Variants in STEAP3 observed in about 807,000 individuals in gnomAD.
STEAP3 encodes metalloreductase STEAP3.
Under a neutral mutation model 34.9 loss-of-function variants are expected in STEAP3, and 35 were observed. That is an observed-to-expected ratio of 1.00 (90% CI 0.76 to 1.33). The LOEUF (loss-of-function observed/expected upper bound fraction) is 1.33, where lower values mean the gene tolerates loss of function less well. Ranked by LOEUF, STEAP3 falls within the 40% of genes most tolerant of loss-of-function variation. The probability of loss-of-function intolerance (pLI) is 0.00; values close to 1 mark genes in which losing one functional copy is unlikely to be tolerated. For missense variants in STEAP3, 652 were observed against 667.6 expected (o/e 0.98, Z 0.26); for synonymous variants, 281 against 301.6 (o/e 0.93, Z 0.71).
chr2:119,247,767 C>T lies in STEAP3; in HGVS notation c.611C>T (p.Ser204Phe), dbSNP rs1439761109. The change falls in exon 4 of 6, where the codon TCC becomes TTC. Residue 204 changes from serine to phenylalanine, a missense_variant. Coordinates refer to ENST00000393110, the MANE Select transcript of STEAP3 (RefSeq NM_182915.3). ...AMGFMPVDMG[S>F]LASAWEVEAM... is the part of the protein sequence containing the mutation. ...GGCTTCATGCCCGTGGACATGGGAT[C>T]CCTGGCGTCAGCCTGGGAGGTGGAG... is the stretch of plus-strand genomic sequence containing the variant. 1 of 1,606,158 alleles carries T rather than the reference C, an allele frequency of 6.2e-7. No individual in the cohort carries two copies. The highest frequency in any genetic ancestry group is 1.1e-5 in the South Asian group (1 of 90,848).
chr2:119,262,960 C>T (rs1015272512), intron 5 of STEAP3, 97 bp from the exon 6 acceptor site: 2 of 1,532,280 alleles, frequency 1.3e-6, no homozygotes. Context: ...TAAAGCCACC[C>T]TCCTTCCCCT....
At position 119,248,038 on chromosome 2, in the gene STEAP3, C is replaced by T. The variant is rs150323456; in HGVS notation, c.882C>T (p.Arg294=). 2.9e-5 allele frequency: 46 copies of T among 1,609,198 alleles called. No individual in the cohort carries two copies. Among genetic ancestry groups the T allele is most frequent in the Middle Eastern group, 1.6e-4 (1 of 6,082 alleles). The part of the protein sequence containing the change: ...GVLAAALQLR[R]GTKYQRFPDW... ...TGGCGGCTGCCCTGCAGCTGCGGCG[C>T]GGCACCAAGTACCAGCGCTTCCCCG... The change falls in exon 4 of 6, where the codon CGC becomes CGT. Residue 294 remains arginine, a synonymous_variant. Transcript: ENST00000393110.
intron 5 of STEAP3, among the ~76,000 whole-genome samples, chr2:119,258,774 A>ATTTTTTTT (rs57860527): frequency 5.0e-5 from 6 of 121,048 alleles, no homozygotes; most frequent in South Asian, 2.8e-4. Context: ...CACCTGGCTA[A>ATTTTTTTT]TTTTTTTTTT....
intron 2 of STEAP3, among the ~76,000 whole-genome samples, chr2:119,237,810 T>G (rs1273384622): frequency 6.6e-6 from 1 of 152,154 alleles, no homozygotes; most frequent in East Asian, 1.9e-4. Flanking sequence ...AGTTGCATGG[T>G]GTACCCGTGA....
At chr2:119,226,544 T>A (rs1679045454) in intron 1 of STEAP3, among the ~76,000 whole-genome samples, 1 of 152,124 alleles carries the variant, frequency 6.6e-6, no homozygotes, top group African/African-American at 2.4e-5. Context: ...TTTGAGAGGC[T>A]GTGGAGATTA....
chr2:119,251,377 C>A (rs1573570092), intron 4 of STEAP3, among the ~76,000 whole-genome samples: 2 of 152,184 alleles, frequency 1.3e-5, no homozygotes, highest in African/African-American at 4.8e-5. Context: ...GTAGAGAAAA[C>A]CTTTGAGACC....
chr2:119,241,748 G>A (rs1011047684), intron 2 of STEAP3, among the ~76,000 whole-genome samples: 4 of 152,216 alleles, frequency 2.6e-5, no homozygotes, highest in African/African-American at 9.6e-5. Context: ...TGCCAAGTCA[G>A]GTTCTGAGCA....
At chr2:119,256,880 T>C (rs577733316) in intron 5 of STEAP3, among the ~76,000 whole-genome samples, 2 of 152,290 alleles carry the variant, frequency 1.3e-5, no homozygotes, top group South Asian at 2.1e-4. Flanking sequence ...AGTTAATGCC[T>C]TACAGGGATT....
At chr2:119,246,068 T>C in intron 3 of STEAP3, 80 bp downstream of exon 3, 2 of 1,500,490 alleles carry the variant, frequency 1.3e-6, no homozygotes, top group Non-Finnish European at 1.8e-6. Flanking sequence ...AGCATGCTCT[T>C]TTTGATATGT....
In STEAP3 at chr2:119,257,498, C is replaced by G. The variant is rs974041280; in HGVS notation, c.1215+2650C>G. 28 of 1,543,240 alleles carry G rather than the reference C, an allele frequency of 1.8e-5. No individual in the cohort carries two copies. The African/African-American group carries it at 3.6e-4, about 20-fold the overall frequency. On this transcript the variant is annotated intron_variant, in intron 5 of 5. Transcript: ENST00000393110. ...GTGCAGGAAACACAGGCAGTGGAAC[C>G]CGAAGACCTGAATCTCAGTCCCAAG...
chr2:119,241,827 G>A (rs1045072883), intron 2 of STEAP3, among the ~76,000 whole-genome samples: 1 of 152,214 alleles, frequency 6.6e-6, no homozygotes, highest in African/African-American at 2.4e-5. Context: ...AACAAAAATA[G>A]GACTCAAAAT....
chr2:119,262,202 T>C (rs1460593410), intron 5 of STEAP3, among the ~76,000 whole-genome samples: 1 of 152,208 alleles, frequency 6.6e-6, no homozygotes, highest in Non-Finnish European at 1.5e-5. Context: ...TTCAAGCTAA[T>C]TTAAAATCAA....
chr2:119,256,442 T>C (rs893625617), intron 5 of STEAP3, among the ~76,000 whole-genome samples: 3 of 152,284 alleles, frequency 2.0e-5, no homozygotes, highest in East Asian at 1.9e-4. Context: ...GCATGGTTTA[T>C]CCACAATTAA....
chr2:119,250,378 G>A (rs936462933), intron 4 of STEAP3, among the ~76,000 whole-genome samples: 4 of 152,226 alleles, frequency 2.6e-5, no homozygotes, highest in Non-Finnish European at 4.4e-5. Flanking sequence ...TTGACCTTGA[G>A]CAAGTCACAG....
intron 4 of STEAP3, among the ~76,000 whole-genome samples, chr2:119,252,771 A>G (rs2104835387): frequency 6.6e-6 from 1 of 152,222 alleles, no homozygotes; most frequent in South Asian, 2.1e-4. Flanking sequence ...TTCTGTCCTC[A>G]TGCGGGTCTT....
At chr2:119,240,090 CAG>C (rs1409745200) in intron 2 of STEAP3, among the ~76,000 whole-genome samples, 2 of 152,164 alleles carry the variant, frequency 1.3e-5, no homozygotes, top group African/African-American at 4.8e-5. Context: ...CCCAGCTACT[CAG>C]ACTCAGAAGT....
At chr2:119,260,305 CTTT>C (rs111601276) in intron 5 of STEAP3, among the ~76,000 whole-genome samples, 2 of 130,484 alleles carry the variant, frequency 1.5e-5, no homozygotes, top group Admixed American at 7.7e-5. Flanking sequence ...AAGACTTACT[CTTT>C]TTTTTTTTTT....
chr2:119,233,760 C>T (rs1484394425), intron 2 of STEAP3, among the ~76,000 whole-genome samples: 1 of 152,194 alleles, frequency 6.6e-6, no homozygotes, highest in African/African-American at 2.4e-5. Flanking sequence ...GCGTGAAGTC[C>T]TCCCTGTCCT....
intron 2 of STEAP3, among the ~76,000 whole-genome samples, chr2:119,234,479 C>T (rs1222605062): frequency 5.3e-5 from 8 of 152,246 alleles, no homozygotes; most frequent in Non-Finnish European, 8.8e-5. Flanking sequence ...TAAAGCCCTC[C>T]TCCCTGGCTC....
Sources: gnomAD v4.1 joint callset for allele counts (sites outside exome capture counted in the v4.1 genomes callset) on GRCh38, gnomAD v4.1.1 for gene constraint, MANE v1.5 for transcripts, NCBI Gene and HGNC (gene_info 2026-07-23, HGNC 2026-07-21) for gene names.